The following UVSSA variants were observed in gnomAD, a reference collection of about 807,000 sequenced individuals.
UVSSA encodes UV-stimulated scaffold protein A.
Under a neutral mutation model 73.9 loss-of-function variants are expected in UVSSA, and 72 were observed. The ratio of observed to expected loss-of-function variants is 0.97; its 90% confidence interval spans 0.81 to 1.19. The LOEUF (loss-of-function observed/expected upper bound fraction) is 1.19, where lower values mean the gene tolerates loss of function less well. UVSSA is among the 50% of genes most tolerant of loss of function. The pLI, the probability that UVSSA is intolerant of heterozygous loss-of-function variation, is 0.00. For synonymous variants in UVSSA, 454 were observed against 391.3 expected (o/e 1.16, Z -1.89); for missense variants, 1,150 against 965.0 (o/e 1.19, Z -2.54).
At chr4:1,377,358 C>G (rs1040812653) in intron 10 of UVSSA, among the ~76,000 whole-genome samples, 3 of 152,198 alleles carry the variant, frequency 2.0e-5, no homozygotes, top group Non-Finnish European at 4.4e-5. Flanking sequence ...GCCCTGGTCT[C>G]ACTCACAGCA....
chr4:1,386,048 A>T lies in UVSSA; in HGVS notation c.*87A>T, dbSNP rs758615775. The T allele has an allele frequency of 2.2e-4, 304 of 1,361,910 alleles. No homozygotes were observed. The highest frequency in any genetic ancestry group is 3.0e-4 in the Non-Finnish European group (287 of 955,140). The allele number at this position is 1,361,910 out of a possible 1,614,324, so 84.4% of individuals were successfully genotyped here. On this transcript the variant is annotated 3_prime_UTR_variant, in exon 14 of 14. Transcript: ENST00000389851. ...CAGAGTGGGCGTGGGTCTGGGCAGT[A>T]ACCATGCTTTGTCTATTACTGTGTT...
At chr4:1,391,565 AT>A (rs766357383), downstream of UVSSA, 8 of 152,300 alleles carry the variant, frequency 5.3e-5, no homozygotes, top group South Asian at 2.1e-4. Context: ...TGAAAAAAAA[AT>A]GTCTTTAAGT....
rs1373945109 is a variant in UVSSA, at chr4:1,363,797, G to A, written c.1177-2523G>A. 3.9e-5 allele frequency among the ~76,000 whole-genome samples: 6 copies of A among 152,354 alleles called. No individual in the cohort carries two copies. In the East Asian group the frequency reaches 5.8e-4, roughly 15 times the overall value. On this transcript the variant is annotated intron_variant, in intron 7 of 13. Transcript: ENST00000389851. ...TAATTGGGACGTTTCACAGGTCAGC[G>A]GTGGAGACAGGCTTCCCTTTTGATC...
intron 1 of UVSSA, 118 bp downstream of exon 1, chr4:1,347,878 C>T (rs1284828992): frequency 3.6e-6 from 2 of 553,508 alleles, no homozygotes; most frequent in African/African-American, 1.9e-5. Context: ...GTAGAGGTCC[C>T]GAGTTTAAGG....
chr4:1,385,664 C>A, intron 13 of UVSSA: 1 of 597,876 alleles, frequency 1.7e-6, no homozygotes, highest in Middle Eastern at 4.5e-4. Context: ...CTGGGGCGGC[C>A]CTTTCTAAGC....
chr4:1,363,312 A>AG (rs1396835510), intron 7 of UVSSA, among the ~76,000 whole-genome samples: 1 of 152,202 alleles, frequency 6.6e-6, no homozygotes, highest in Admixed American at 6.5e-5. Flanking sequence ...AGGGGAACCC[A>AG]GGGCTCCAAA....
chr4:1,374,470 C>G (rs1718506710), intron 8 of UVSSA, among the ~76,000 whole-genome samples: 1 of 152,194 alleles, frequency 6.6e-6, no homozygotes, highest in Non-Finnish European at 1.5e-5. Flanking sequence ...AGGTCAGGGC[C>G]CAGCAGTGTT....
In UVSSA at chr4:1,395,622, G is replaced by A. The variant is rs541093494; in HGVS notation, c.*9661G>A. The A allele has an allele frequency of 3.5e-4, 555 of 1,599,632 alleles. 6 individuals are homozygous for A. The South Asian group carries it at 5.9e-3, about 17-fold the overall frequency. Reference sequence around the variant, plus strand: ...GCCTGCTCACACACGTGCCCATGTGGAGTGCCCGCCTGCTCACACGTGCCC... The same window carrying A: ...GCCTGCTCACACACGTGCCCATGTGAAGTGCCCGCCTGCTCACACGTGCCC... On this transcript the variant is annotated 3_prime_UTR_variant, in exon 14 of 14. Coordinates refer to the UVSSA transcript ENST00000511216.
At chr4:1,375,972 G>A (rs1056363629) in intron 9 of UVSSA, 62 bp from the exon 10 acceptor site, 3 of 1,551,580 alleles carry the variant, frequency 1.9e-6, no homozygotes, top group Non-Finnish European at 2.6e-6. Flanking sequence ...TGGGGAGGGA[G>A]AGGAGGGTGG....
chr4:1,394,336 C>T (rs1463467690), exon 14 of UVSSA: 16 of 1,142,360 alleles, frequency 1.4e-5, no homozygotes, highest in African/African-American at 4.7e-5. Context: ...ACTTAGAATG[C>T]TCTTCCCCCT....
At chr4:1,395,681 A>G in exon 14 of UVSSA, 17 of 1,610,778 alleles carry the variant, frequency 1.1e-5, no homozygotes, top group Non-Finnish European at 1.4e-5. Flanking sequence ...ACACGTGCCC[A>G]TGTGGAGTGC....
intron 8 of UVSSA, among the ~76,000 whole-genome samples, chr4:1,374,747 G>A (rs796176862): frequency 8.5e-5 from 13 of 152,298 alleles, no homozygotes; most frequent in South Asian, 2.1e-4. Context: ...TGTCAGAGGC[G>A]CCTGCTGAAG....
downstream of UVSSA, chr4:1,390,691 T>C (rs1326908933): frequency 1.3e-5 from 2 of 152,336 alleles, no homozygotes; most frequent in Admixed American, 6.5e-5. Flanking sequence ...CCGTATTTTC[T>C]GTCCCAGAGT....
chr4:1,362,653 C>T (rs576298443), intron 7 of UVSSA, among the ~76,000 whole-genome samples: 2 of 152,334 alleles, frequency 1.3e-5, no homozygotes, highest in Admixed American at 6.5e-5. Flanking sequence ...CTTGCAGACC[C>T]GTGGTGCTGG....
chr4:1,351,386 C>CT (rs79748051), intron 3 of UVSSA, among the ~76,000 whole-genome samples: 1,997 of 132,742 alleles, frequency 0.015, 52 homozygotes, highest in African/African-American at 0.049. Flanking sequence ...TATTTTCTTT[C>CT]TTTTTTTTTT....
rs548017135 is a variant in UVSSA, at chr4:1,383,890, G to C, written c.1986G>C (p.Lys662Asn). 5 of 1,613,494 alleles carry C rather than the reference G, an allele frequency of 3.1e-6. No individual in the cohort carries two copies. The South Asian group carries it at 4.4e-5, about 14-fold the overall frequency. ...KRRYPSLTNL[K>N]AQADTARARI... ...GGTACCCCAGCCTCACCAACCTGAA[G>C]GCTCAGGCTGATACCGCCCGCGCTC... Residue 662 changes from lysine to asparagine, a missense_variant, in exon 13 of 14, where the codon AAG becomes AAC. Physicochemically the swap from Lys to Asn is moderately conservative, Grantham distance 94. Transcript: ENST00000389851.
chr4:1,371,421 C>T (rs547748035), intron 8 of UVSSA, among the ~76,000 whole-genome samples: 1 of 152,258 alleles, frequency 6.6e-6, no homozygotes, highest in Non-Finnish European at 1.5e-5. Context: ...ACTGAGGCCC[C>T]TGTTGACTTA....
At chr4:1,380,340 A>C in intron 11 of UVSSA, 110 bp downstream of exon 11, 2 of 1,343,026 alleles carry the variant, frequency 1.5e-6, no homozygotes, top group Non-Finnish European at 2.0e-6. Context: ...GCTTGTGAGC[A>C]CTGAGAAGCC....
At position 1,354,825 on chromosome 4, in the gene UVSSA, C is replaced by A; in HGVS notation, c.1025C>A (p.Pro342Gln). 6.2e-7 allele frequency: 1 copy of A among 1,611,212 alleles called. No individual in the cohort carries two copies. The highest frequency in any genetic ancestry group is 8.5e-7 in the Non-Finnish European group (1 of 1,179,348). ...AAGCTCATCCGGAACAAGTTCCTGC[C>A]GGCTGTGTGCTCGTGGATCCAGGTG... Reference protein sequence around the residue: ...TLKLIRNKFLPAVCSWIQRFT... With the variant: ...TLKLIRNKFLQAVCSWIQRFT... The change falls in exon 6 of 14, where the codon CCG becomes CAG. Residue 342 changes from proline (P) to glutamine (Q), a missense_variant. Transcript: ENST00000389851.
Sources: gnomAD v4.1 joint callset for allele counts (sites outside exome capture counted in the v4.1 genomes callset) on GRCh38, gnomAD v4.1.1 for gene constraint, MANE v1.5 for transcripts, NCBI Gene and HGNC (gene_info 2026-07-23, HGNC 2026-07-21) for gene names.